Variants in PPP2R5E observed in about 807,000 individuals in gnomAD.
PPP2R5E encodes serine/threonine-protein phosphatase 2A 56 kDa regulatory subunit epsilon isoform.
In PPP2R5E, 4 loss-of-function variants were observed where a neutral mutation model predicts 65.3. The observed-to-expected ratio is 0.06, with a 90% CI of 0.03 to 0.14. PPP2R5E has a LOEUF of 0.14. Among genes scored for constraint, PPP2R5E ranks in the 10% least tolerant of loss-of-function variants. PPP2R5E has a pLI of 1.00. For missense variants in PPP2R5E, 274 were observed against 556.1 expected, an observed-to-expected ratio of 0.49 and a Z score of 5.10; for synonymous variants, 183 against 187.4, an observed-to-expected ratio of 0.98 and a Z score of 0.19.
At chr14:63,530,640 T>C (rs1245307153) in intron 2 of PPP2R5E, among the ~76,000 whole-genome samples, 3 of 142,040 alleles carry the variant, frequency 2.1e-5, no homozygotes, top group Non-Finnish European at 4.6e-5. Flanking sequence ...CTTTTTTTTT[T>C]TTTTTTTTTT....
rs574528907 is a variant in PPP2R5E at position 63,460,274 on chromosome 14, C to A, written c.158-6389G>T. 1.1e-3 allele frequency among the ~76,000 whole-genome samples: 164 copies of A among 152,246 alleles called. 1 individual carries two copies. Among genetic ancestry groups the A allele is most frequent in the South Asian group, 6.2e-3 (30 of 4,826 alleles). On this transcript the variant is annotated intron_variant, in intron 2 of 13. Transcript: ENST00000337537. ...AGTTTTTCAAATGAGGAAACTGACA[C>A]CCAGAAAGGCTAAGTCATTTGTCCA...
At chr14:63,408,516 T>C (rs1886214406) in intron 5 of PPP2R5E, among the ~76,000 whole-genome samples, 1 of 152,190 alleles carries the variant, frequency 6.6e-6, no homozygotes, top group African/African-American at 2.4e-5. Flanking sequence ...AGCCATACTG[T>C]TTTAATTAAC....
At chr14:63,462,028 G>A (rs1045705608) in intron 2 of PPP2R5E, among the ~76,000 whole-genome samples, 4 of 151,728 alleles carry the variant, frequency 2.6e-5, no homozygotes, top group Middle Eastern at 3.2e-3. Context: ...CTAGAAGCAC[G>A]GACAACAGAA....
At chr14:63,400,796 C>T (rs1454164044) in intron 5 of PPP2R5E, among the ~76,000 whole-genome samples, 1 of 151,680 alleles carries the variant, frequency 6.6e-6, no homozygotes, top group East Asian at 1.9e-4. Flanking sequence ...TCCACCCATC[C>T]ACCCATTCCC....
chr14:63,451,630 T>C (rs924821841), intron 3 of PPP2R5E: 1 of 152,212 alleles, frequency 6.6e-6, no homozygotes, highest in African/African-American at 2.4e-5. Flanking sequence ...GGTACTATAA[T>C]GGTGGATACA....
chr14:63,532,920 G>A (rs912661276), intron 2 of PPP2R5E, among the ~76,000 whole-genome samples: 6 of 152,080 alleles, frequency 3.9e-5, no homozygotes, highest in South Asian at 2.1e-4. Context: ...CTGCAGCGTC[G>A]ATCTCCTGGG....
At chr14:63,459,805 TC>T (rs1889355395) in intron 2 of PPP2R5E, among the ~76,000 whole-genome samples, 1 of 152,196 alleles carries the variant, frequency 6.6e-6, no homozygotes, top group African/African-American at 2.4e-5. Flanking sequence ...CCTTCTTTCA[TC>T]CCCTCCTCCT....
chr14:63,414,995 G>A (rs1886617947), intron 5 of PPP2R5E, 145 bp downstream of exon 5: 1 of 422,090 alleles, frequency 2.4e-6, no homozygotes, highest in African/African-American at 2.1e-5. Flanking sequence ...AGGCAGTAAT[G>A]GAAATTAACT....
chr14:63,424,240 A>G (rs573386231), intron 3 of PPP2R5E, among the ~76,000 whole-genome samples: 1 of 152,320 alleles, frequency 6.6e-6, no homozygotes, highest in Non-Finnish European at 1.5e-5. Context: ...GAAAAGGGAA[A>G]AGTTTATTTC....
At chr14:63,469,517 C>A (rs948782201) in intron 2 of PPP2R5E, among the ~76,000 whole-genome samples, 3 of 151,780 alleles carry the variant, frequency 2.0e-5, no homozygotes, top group African/African-American at 7.2e-5. Context: ...ACGGTGAAAA[C>A]CCATCTCTAC....
At chr14:63,462,077 T>TCA (rs879801461) in intron 2 of PPP2R5E, among the ~76,000 whole-genome samples, 63 of 150,828 alleles carry the variant, frequency 4.2e-4, no homozygotes, top group East Asian at 1.4e-3. Context: ...AACTGTATTT[T>TCA]TTTTTTTTTT....
intron 2 of PPP2R5E, among the ~76,000 whole-genome samples, chr14:63,498,324 A>AG (rs1318030718): frequency 6.6e-6 from 1 of 152,182 alleles, no homozygotes; most frequent in Non-Finnish European, 1.5e-5. Context: ...AATGTATACT[A>AG]TCAGGTTGAC....
intron 5 of PPP2R5E, among the ~76,000 whole-genome samples, chr14:63,405,771 A>G (rs1407624228): frequency 6.6e-6 from 1 of 152,246 alleles, no homozygotes; most frequent in Non-Finnish European, 1.5e-5. Flanking sequence ...AACCATCCCA[A>G]TACAGATGAA....
At chr14:63,474,956 T>G (rs1180386148) in intron 2 of PPP2R5E, among the ~76,000 whole-genome samples, 1 of 152,092 alleles carries the variant, frequency 6.6e-6, no homozygotes, top group East Asian at 1.9e-4. Flanking sequence ...AAGGAAAACC[T>G]GAGCAGGGTC....
Position 63,456,761 on chromosome 14 carries a change from C to CGTA in PPP2R5E, c.158-2877_158-2876insTAC, listed in dbSNP as rs143553760. Among the ~76,000 whole-genome samples, 575 of 152,254 alleles carry CGTA rather than the reference C, an allele frequency of 3.8e-3. 2 individuals are homozygous for CGTA. Among genetic ancestry groups the CGTA allele is most frequent in the African/African-American group, 0.013 (542 of 41,534 alleles). ...ACACAGTGAAAGACCAGAGTGATACCCTATTCCAGAACACAGGGTGTGTGC... is the reference window on the plus strand; with the variant it reads ...ACACAGTGAAAGACCAGAGTGATACCGTACTATTCCAGAACACAGGGTGTGTGC... On this transcript the variant is annotated intron_variant, in intron 2 of 13. Transcript: ENST00000337537.
In PPP2R5E at chr14:63,417,745, G is replaced by A. The variant is rs545104112; in HGVS notation, c.457-2513C>T. On this transcript the variant is annotated intron_variant, in intron 4 of 13. Transcript: ENST00000337537. ...TTTTTAATTACAAGTACGTGGCAGT[G>A]AAGAATACTCAACCAGTTTGACACA... Among the ~76,000 whole-genome samples the A allele has an allele frequency of 3.3e-5, 5 of 152,286 alleles. No homozygotes were observed. The South Asian group carries it at 6.2e-4, about 19-fold the overall frequency.
intron 3 of PPP2R5E, among the ~76,000 whole-genome samples, chr14:63,446,695 G>A (rs1888495422): frequency 6.6e-6 from 1 of 151,874 alleles, no homozygotes; most frequent in Non-Finnish European, 1.5e-5. Flanking sequence ...TGGGCGCAGT[G>A]GCAGGCGCCT....
intron 2 of PPP2R5E, among the ~76,000 whole-genome samples, chr14:63,516,410 T>G (rs1892673925): frequency 6.6e-6 from 1 of 152,218 alleles, no homozygotes; most frequent in Non-Finnish European, 1.5e-5. Context: ...ATAATTTCAG[T>G]TCATAAAAAT....
At chr14:63,471,893 T>A (rs182329842) in intron 2 of PPP2R5E, among the ~76,000 whole-genome samples, 2 of 152,198 alleles carry the variant, frequency 1.3e-5, no homozygotes, top group African/African-American at 4.8e-5. Context: ...CTCTTTAACA[T>A]AGATTGAGGA....
Sources: gnomAD v4.1 joint callset for allele counts (sites outside exome capture counted in the v4.1 genomes callset) on GRCh38, gnomAD v4.1.1 for gene constraint, MANE v1.5 for transcripts, NCBI Gene and HGNC (gene_info 2026-07-23, HGNC 2026-07-21) for gene names.